Variants in PPM1E observed in about 807,000 individuals in gnomAD.
The protein encoded by PPM1E is protein phosphatase 1E.
A neutral mutation model predicts 65.9 loss-of-function variants in PPM1E; 20 were observed. The observed-to-expected ratio is 0.30, with a 90% CI of 0.21 to 0.44. The LOEUF is 0.44. PPM1E is among the 20% of genes least tolerant of loss of function. The pLI is 1.00. For synonymous variants in PPM1E, 352 were observed against 374.9 expected (o/e 0.94, Z 0.70); for missense variants, 713 against 953.1 (o/e 0.75, Z 3.32).
intron 1 of PPM1E, among the ~76,000 whole-genome samples, chr17:58,918,256 G>C (rs1468794700): frequency 1.3e-5 from 2 of 152,156 alleles, no homozygotes; most frequent in African/African-American, 4.8e-5. Context: ...AACTGTATTG[G>C]AGGTTTGGTG....
chr17:58,917,889 A>G (rs1375027016), intron 1 of PPM1E, among the ~76,000 whole-genome samples: 1 of 152,196 alleles, frequency 6.6e-6, no homozygotes. Flanking sequence ...TTTAAAGAAA[A>G]TCATGGTAAA....
chr17:58,977,166 T>C lies in PPM1E; in HGVS notation c.1211-2808T>C, dbSNP rs189450697. Among the ~76,000 whole-genome samples the C allele has an allele frequency of 3.7e-4, 56 of 152,118 alleles. 1 individual carries two copies. Among genetic ancestry groups the C allele is most frequent in the Admixed American group, 3.2e-3 (49 of 15,272 alleles). The stretch of plus-strand genomic sequence containing the variant: ...CCTGTAAGAAATAATGAATGAGGGC[T>C]GGGCGCGGTGGCTCACACCTAGAAT... On this transcript the variant is annotated intron_variant, in intron 6 of 6. Transcript: ENST00000308249.
At chr17:58,785,458 T>TTATTTATATA (rs2050089651) in intron 1 of PPM1E, 1 of 88,990 alleles carries the variant, frequency 1.1e-5, no homozygotes, top group Non-Finnish European at 2.0e-5. Flanking sequence ...CCTGGCTAAT[T>TTATTTATATA]TATATATATA....
intron 1 of PPM1E, among the ~76,000 whole-genome samples, chr17:58,911,388 G>A (rs902411417): frequency 6.6e-6 from 1 of 151,980 alleles, no homozygotes; most frequent in African/African-American, 2.4e-5. Context: ...CAGGAATAGG[G>A]GATAACATTT....
intron 1 of PPM1E, among the ~76,000 whole-genome samples, chr17:58,925,491 A>G (rs2051812875): frequency 6.6e-6 from 1 of 151,802 alleles, no homozygotes; most frequent in South Asian, 2.1e-4. Flanking sequence ...CCCAGGCTGG[A>G]GTGCAGTGCT....
intron 1 of PPM1E, among the ~76,000 whole-genome samples, chr17:58,827,252 C>T (rs146266283): frequency 4.1e-5 from 6 of 145,382 alleles, no homozygotes; most frequent in South Asian, 4.4e-4. Context: ...ATTCTCCTGC[C>T]GCAGCCTCCC....
At chr17:58,839,445 A>T (rs182366118) in intron 1 of PPM1E, among the ~76,000 whole-genome samples, 2 of 152,176 alleles carry the variant, frequency 1.3e-5, no homozygotes, top group African/African-American at 2.4e-5. Flanking sequence ...AACCTCACCG[A>T]AGGGATGGGG....
At chr17:58,909,750 T>C (rs2051601038) in intron 1 of PPM1E, among the ~76,000 whole-genome samples, 3 of 152,096 alleles carry the variant, frequency 2.0e-5, no homozygotes, top group African/African-American at 7.2e-5. Flanking sequence ...TCCTTGATTT[T>C]CTATAGTTTA....
At chr17:58,768,018 T>G (rs1262503278) in intron 1 of PPM1E, among the ~76,000 whole-genome samples, 1 of 152,052 alleles carries the variant, frequency 6.6e-6, no homozygotes, top group Non-Finnish European at 1.5e-5. Context: ...TGGTGCGATC[T>G]TGGCTCACTG....
At chr17:58,912,789 C>A (rs558953561) in intron 1 of PPM1E, among the ~76,000 whole-genome samples, 1 of 152,256 alleles carries the variant, frequency 6.6e-6, no homozygotes, top group African/African-American at 2.4e-5. Context: ...CCTTCAACCC[C>A]TACATCCAGG....
At chr17:58,948,218 G>T (rs1281758269) in intron 1 of PPM1E, among the ~76,000 whole-genome samples, 2 of 152,122 alleles carry the variant, frequency 1.3e-5, no homozygotes, top group Non-Finnish European at 1.5e-5. Flanking sequence ...TATGGGGAAT[G>T]GCAAAGTTCT....
At chr17:58,866,974 G>A (rs1353520420) in intron 1 of PPM1E, among the ~76,000 whole-genome samples, 1 of 151,950 alleles carries the variant, frequency 6.6e-6, no homozygotes, top group Non-Finnish European at 1.5e-5. Context: ...GAGCCAAATT[G>A]GGGGGATTTT....
chr17:58,937,191 TTTC>T (rs1202672001), intron 1 of PPM1E, among the ~76,000 whole-genome samples: 2 of 151,868 alleles, frequency 1.3e-5, no homozygotes, highest in African/African-American at 4.8e-5. Context: ...GAAACAGTAC[TTTC>T]TTGTTTCAAA....
In PPM1E at chr17:58,982,796, A is replaced by T; in HGVS notation, c.*1765A>T. On this transcript the variant is annotated 3_prime_UTR_variant, in exon 7 of 7. Coordinates refer to ENST00000308249, the MANE Select transcript of PPM1E (RefSeq NM_014906.5). The stretch of plus-strand genomic sequence containing the variant: ...AAGGAGTCAACATGGCCCCAACTAT[A>T]GTGCCGGAACCTTTTCATCATTCTG... The T allele has an allele frequency of 1.1e-6, 1 of 917,766 alleles. No homozygotes were observed. The highest frequency in any genetic ancestry group is 1.7e-6 in the Non-Finnish European group (1 of 604,956). The allele number at this position is 917,766 out of a possible 1,614,324, so 56.9% of individuals were successfully genotyped here.
At chr17:58,772,788 CTG>C (rs2049953198) in intron 1 of PPM1E, among the ~76,000 whole-genome samples, 1 of 152,072 alleles carries the variant, frequency 6.6e-6, no homozygotes, top group African/African-American at 2.4e-5. Context: ...ACTGTAGACT[CTG>C]TATTTGCTGT....
chr17:58,896,579 C>T (rs1224309156), intron 1 of PPM1E, among the ~76,000 whole-genome samples: 4 of 152,046 alleles, frequency 2.6e-5, no homozygotes, highest in African/African-American at 4.8e-5. Context: ...AGCTAGACTC[C>T]ATCTCAAATA....
intron 1 of PPM1E, among the ~76,000 whole-genome samples, chr17:58,816,784 ATATATATATAT>A (rs1463456804): frequency 1.1e-3 from 9 of 8,122 alleles, no homozygotes; most frequent in Non-Finnish European, 1.3e-3. Context: ...ATATATATAT[ATATATATATAT>A]TTTTTTTTTT....
At chr17:58,931,066 T>TAAAAAAAAAAAAAAAAAAAAA (rs774968022) in intron 1 of PPM1E, among the ~76,000 whole-genome samples, 1 of 83,138 alleles carries the variant, frequency 1.2e-5, no homozygotes, top group African/African-American at 4.6e-5. Context: ...ATACAAAAAT[T>TAAAAAAAAAAAAAAAAAAAAA]AAAAAAAAAA....
At chr17:58,862,912 C>T (rs775357694) in intron 1 of PPM1E, among the ~76,000 whole-genome samples, 1 of 152,046 alleles carries the variant, frequency 6.6e-6, no homozygotes, top group Non-Finnish European at 1.5e-5. Context: ...TTTTTTGGAG[C>T]TTTATGTTGA....
Sources: gnomAD v4.1 joint callset for allele counts (sites outside exome capture counted in the v4.1 genomes callset) on GRCh38, gnomAD v4.1.1 for gene constraint, MANE v1.5 for transcripts, NCBI Gene and HGNC (gene_info 2026-07-23, HGNC 2026-07-21) for gene names.